The following OPA3 variants were observed in gnomAD, a reference collection of about 807,000 sequenced individuals.
The protein encoded by OPA3 is outer mitochondrial membrane lipid metabolism regulator OPA3, also known as optic atrophy 3 protein.
OPA3 carries 6 observed loss-of-function variants against 4.0 expected under a neutral mutation model. The observed-to-expected ratio is 1.51, with a 90% CI of 0.83 to 2.99. The LOEUF (loss-of-function observed/expected upper bound fraction) is 2.99. OPA3 is among the 30% of genes most tolerant of loss of function. The probability of loss-of-function intolerance (pLI) is 0.00; values close to 1 mark genes in which losing one functional copy is unlikely to be tolerated. For missense variants in OPA3, 235 were observed against 256.2 expected, an observed-to-expected ratio of 0.92 and a Z score of 0.56; for synonymous variants, 105 against 117.1, an observed-to-expected ratio of 0.90 and a Z score of 0.67.
At chr19:45,557,564 C>CG (rs890063707) in intron 1 of OPA3, among the ~76,000 whole-genome samples, 14 of 152,234 alleles carry the variant, frequency 9.2e-5, no homozygotes, top group Admixed American at 7.8e-4. Flanking sequence ...TGGCTAGAGA[C>CG]GGGGGCCTCA....
chr19:45,559,011 G>A (rs1305916701), intron 1 of OPA3, among the ~76,000 whole-genome samples: 1 of 152,078 alleles, frequency 6.6e-6, no homozygotes, highest in Non-Finnish European at 1.5e-5. Flanking sequence ...AGCCTCCCAA[G>A]TAGCTGGGAT....
rs998996251 is a variant in OPA3 at position 45,530,489 on chromosome 19, T to C, written c.143-1033A>G. ...TTACAAGTGGTTTTTATTTTTTTACTGTTTATTTTTATTTATGTATGTATG... is the reference window on the plus strand; with the variant it reads ...TTACAAGTGGTTTTTATTTTTTTACCGTTTATTTTTATTTATGTATGTATG... On this transcript the variant is annotated intron_variant, in intron 1 of 1. Transcript: ENST00000323060. Among the ~76,000 whole-genome samples, 5 of 152,042 alleles carry C rather than the reference T, an allele frequency of 3.3e-5. 1 individual carries two copies. Among genetic ancestry groups the C allele is most frequent in the Admixed American group, 3.3e-4 (5 of 15,254 alleles).
At chr19:45,576,299 G>C (rs1443967671) in intron 1 of OPA3, among the ~76,000 whole-genome samples, 1 of 152,168 alleles carries the variant, frequency 6.6e-6, no homozygotes, top group Non-Finnish European at 1.5e-5. Context: ...GGGAGGCCAA[G>C]GCAGGTGGAT....
chr19:45,559,389 TTTTCTTTC>T (rs370013584), intron 1 of OPA3, among the ~76,000 whole-genome samples: 6 of 113,302 alleles, frequency 5.3e-5, no homozygotes, highest in Admixed American at 2.3e-4. Context: ...CTTTCCCTCT[TTTTCTTTC>T]TTTTTTTTTT....
At chr19:45,531,156 A>G (rs535092954) in intron 1 of OPA3, among the ~76,000 whole-genome samples, 17 of 151,916 alleles carry the variant, frequency 1.1e-4, no homozygotes, top group African/African-American at 4.1e-4. Context: ...GCTGCCTGAA[A>G]TTGAAAATAT....
downstream of OPA3, chr19:45,546,270 G>A: frequency 1.4e-5 from 5 of 349,474 alleles, no homozygotes; most frequent in Non-Finnish European, 2.0e-5. Context: ...TATTAAACCG[G>A]GCTGCAAATA....
intron 1 of OPA3, among the ~76,000 whole-genome samples, chr19:45,576,645 C>T (rs1321594830): frequency 2.0e-5 from 3 of 151,926 alleles, no homozygotes; most frequent in Non-Finnish European, 4.4e-5. Context: ...TCCATCTCCT[C>T]GGCTTTTCCA....
chr19:45,551,850 T>G lies in OPA3; in HGVS notation c.*1664A>C. ...GAGCACACAGATTAGGAGACACGGA[T>G]GGAAGATGAAGGATGTGACAATTGA... On this transcript the variant is annotated 3_prime_UTR_variant, in exon 2 of 2. Transcript: ENST00000263275. The G allele has an allele frequency of 2.9e-5, 29 of 985,338 alleles. No individual in the cohort carries two copies. Among genetic ancestry groups the G allele is most frequent in the Non-Finnish European group, 3.5e-5 (29 of 829,992 alleles). The allele number at this position is 985,338 out of a possible 1,614,324, so 61.0% of individuals were successfully genotyped here.
intron 1 of OPA3, among the ~76,000 whole-genome samples, chr19:45,535,095 G>A (rs1189398901): frequency 6.6e-6 from 1 of 152,196 alleles, no homozygotes; most frequent in Non-Finnish European, 1.5e-5. Flanking sequence ...CAGGGATCTA[G>A]ATTGGTAGAG....
chr19:45,584,536 TCGTAGA>T (rs1969903302), intron 1 of OPA3, 81 bp downstream of exon 1: 3 of 1,608,630 alleles, frequency 1.9e-6, no homozygotes, highest in Non-Finnish European at 2.5e-6. Context: ...CTGTGATTGG[TCGTAGA>T]CAGAAGTCCA....
In OPA3 at chr19:45,548,256, T is replaced by C. The variant is rs886054512; in HGVS notation, c.*5258A>G. 110 of 985,416 alleles carry C rather than the reference T, an allele frequency of 1.1e-4. No individual in the cohort carries two copies. Among genetic ancestry groups the C allele is most frequent in the Non-Finnish European group, 1.3e-4 (105 of 829,944 alleles). The allele number at this position is 985,416 out of a possible 1,614,324, so 61.0% of individuals were successfully genotyped here. ...TAGCTCCGTGAGCCAATAGATCAGG[T>C]TGGGGCTTATGTAAAGCCCATTTTC... is the stretch of plus-strand genomic sequence containing the variant. On this transcript the variant is annotated 3_prime_UTR_variant, in exon 2 of 2. Coordinates refer to ENST00000263275, the MANE Select transcript of OPA3 (RefSeq NM_025136.4).
At chr19:45,556,972 C>G (rs754582707) in intron 1 of OPA3, among the ~76,000 whole-genome samples, 2 of 152,216 alleles carry the variant, frequency 1.3e-5, no homozygotes, top group Non-Finnish European at 2.9e-5. Context: ...ACAGGAAGGA[C>G]AGCATCATCC....
Position 45,548,440 on chromosome 19 carries a change from G to A in OPA3, c.*5074C>T. 1.0e-6 allele frequency: 1 copy of A among 985,476 alleles called. No individual in the cohort carries two copies. The highest frequency in any genetic ancestry group is 1.2e-6 in the Non-Finnish European group (1 of 829,966). 61.0% of individuals were successfully genotyped at this position (985,476 alleles called of 1,614,324 possible). A position where few individuals can be genotyped will look rare whatever the true frequency, so the allele number is the denominator to read the frequency against. On this transcript the variant is annotated 3_prime_UTR_variant, in exon 2 of 2. Coordinates refer to ENST00000263275, the MANE Select transcript of OPA3 (RefSeq NM_025136.4). ...GTGAGCTGGGATGAATGGGTTTATA[G>A]TCCTGAGTCACTCCAGAGGGAGGAT... is the stretch of plus-strand genomic sequence containing the variant.
chr19:45,576,540 C>CA lies in OPA3; in HGVS notation c.142+8082_142+8083insT, dbSNP rs1043023950. Among the ~76,000 whole-genome samples, 7 of 124,434 alleles carry CA rather than the reference C, an allele frequency of 5.6e-5. No homozygotes were observed. In the South Asian group the frequency reaches 1.2e-3, roughly 21 times the overall value. The allele number at this position is 124,434 out of a possible 152,430, so 81.6% of individuals were successfully genotyped here. On this transcript the variant is annotated intron_variant, in intron 1 of 1. Coordinates refer to ENST00000263275, the MANE Select transcript of OPA3 (RefSeq NM_025136.4). ...GCAACAAGAATGAAACTCCATCCCC[C>CA]CCCCCCCAAAAAAAAAAGTCCAAAA...
At chr19:45,580,001 CTT>C (rs57357578) in intron 1 of OPA3, among the ~76,000 whole-genome samples, 5 of 114,880 alleles carry the variant, frequency 4.4e-5, no homozygotes, top group Admixed American at 8.7e-5. Context: ...TTTTTTTTTT[CTT>C]TTTTTTTTTT....
In OPA3 at chr19:45,549,542, G is replaced by A. The variant is rs147972697; in HGVS notation, c.*3972C>T. 3.9e-3 allele frequency: 3,663 copies of A among 946,536 alleles called. 82 individuals are homozygous for A. The African/African-American group carries it at 0.057, about 15-fold the overall frequency. 58.6% of individuals were successfully genotyped at this position (946,536 alleles called of 1,614,324 possible). Reference sequence around the variant, plus strand: ...GTCACCCAGGCTGGAGTGCAGTGGCGCGATCTCAGCTCACTGCAACCTCCA... The same window carrying A: ...GTCACCCAGGCTGGAGTGCAGTGGCACGATCTCAGCTCACTGCAACCTCCA... On this transcript the variant is annotated 3_prime_UTR_variant, in exon 2 of 2. Coordinates refer to ENST00000263275, the MANE Select transcript of OPA3 (RefSeq NM_025136.4).
chr19:45,558,751 G>C (rs1969458894), intron 1 of OPA3, among the ~76,000 whole-genome samples: 1 of 151,166 alleles, frequency 6.6e-6, no homozygotes. Flanking sequence ...TTTAGACGGA[G>C]TCTCGCTTTG....
chr19:45,532,734 A>ATTATT (rs551105139), intron 1 of OPA3, among the ~76,000 whole-genome samples: 3 of 152,062 alleles, frequency 2.0e-5, no homozygotes, highest in Non-Finnish European at 4.4e-5. Flanking sequence ...CGGCTTTAAA[A>ATTATT]TTATTTTATT....
chr19:45,552,956 G>C lies in OPA3; in HGVS notation c.*558C>G, dbSNP rs1969358017. On this transcript the variant is annotated 3_prime_UTR_variant, in exon 2 of 2. Transcript: ENST00000263275. ...CTCCCAAGGTGCTAGGATTACAGGC[G>C]TGAGCCACCGCTCCCAGCCGCACCG... is the stretch of plus-strand genomic sequence containing the variant. 1 of 988,452 alleles carries C rather than the reference G, an allele frequency of 1.0e-6. No individual in the cohort carries two copies. Among genetic ancestry groups the C allele is most frequent in the African/African-American group, 1.7e-5 (1 of 57,206 alleles). The allele number at this position is 988,452 out of a possible 1,614,324, so 61.2% of individuals were successfully genotyped here. A position where few individuals can be genotyped will look rare whatever the true frequency, so the allele number is the denominator to read the frequency against.
Sources: gnomAD v4.1 joint callset for allele counts (sites outside exome capture counted in the v4.1 genomes callset) on GRCh38, gnomAD v4.1.1 for gene constraint, MANE v1.5 for transcripts, NCBI Gene and HGNC (gene_info 2026-07-23, HGNC 2026-07-21) for gene names.